Variants in LTBP1 observed in about 807,000 individuals in gnomAD.
LTBP1 encodes the protein latent transforming growth factor beta binding protein 1.
In LTBP1, 129 loss-of-function variants were observed where a neutral mutation model predicts 207.6. The observed-to-expected ratio is 0.62, with a 90% confidence interval of 0.54 to 0.72. The LOEUF (loss-of-function observed/expected upper bound fraction) is 0.72. LTBP1 is among the 30% of genes least tolerant of loss of function. LTBP1 has a pLI of 0.00. For synonymous variants in LTBP1, 963 were observed against 833.7 expected (o/e 1.16, Z -2.67); for missense variants, 2,281 against 2,217.2 (o/e 1.03, Z -0.58).
At chr2:33,233,430 A>G (rs2091894803) in intron 9 of LTBP1, among the ~76,000 whole-genome samples, 1 of 152,182 alleles carries the variant, frequency 6.6e-6, no homozygotes, top group Non-Finnish European at 1.5e-5. Flanking sequence ...TAACTGGTTA[A>G]GGTATGCTAA....
Position 32,947,453 on chromosome 2 carries a change from GC to G in LTBP1, c.133del (p.Leu45Ter). On this transcript the variant is annotated frameshift_variant, in exon 1 of 34. Coordinates refer to ENST00000404816, the MANE Select transcript of LTBP1 (RefSeq NM_206943.4). LOFTEE classifies it high-confidence loss of function. ...PGPGLAAGAL[P>X]LSGPPRSRTF... ...GCCCCGGCCTGGCAGCCGGCGCCTT[GC>G]CCCTGAGCGGGCCCCCGCGTTCGCG... The G allele has an allele frequency of 6.9e-7, 1 of 1,443,020 alleles. No homozygotes were observed. Among genetic ancestry groups the G allele is most frequent in the Non-Finnish European group, 9.1e-7 (1 of 1,100,520 alleles). 89.4% of individuals were successfully genotyped at this position (1,443,020 alleles called of 1,614,324 possible). A position where few individuals can be genotyped will look rare whatever the true frequency, so the allele number is the denominator to read the frequency against.
At chr2:32,963,068 A>T (rs1020165704) in intron 2 of LTBP1, among the ~76,000 whole-genome samples, 1 of 152,218 alleles carries the variant, frequency 6.6e-6, no homozygotes, top group Non-Finnish European at 1.5e-5. Context: ...TAGAGGCTTC[A>T]TTTACCCTTT....
chr2:32,961,926 C>G (rs996423338), intron 2 of LTBP1, among the ~76,000 whole-genome samples: 2 of 125,166 alleles, frequency 1.6e-5, no homozygotes, highest in African/African-American at 6.0e-5. Flanking sequence ...GCCTGGGCAA[C>G]AATAGTGAAA....
intron 25 of LTBP1, among the ~76,000 whole-genome samples, chr2:33,345,641 A>G (rs898552679): frequency 2.0e-5 from 3 of 152,240 alleles, no homozygotes; most frequent in Admixed American, 6.5e-5. Flanking sequence ...CATTGGATTT[A>G]TATCTCTTTA....
At chr2:33,326,458 T>TA (rs2094428125) in intron 24 of LTBP1, among the ~76,000 whole-genome samples, 1 of 151,898 alleles carries the variant, frequency 6.6e-6, no homozygotes, top group Non-Finnish European at 1.5e-5. Flanking sequence ...AGCTTGTTGA[T>TA]ACAGTTCGAA....
intron 23 of LTBP1, among the ~76,000 whole-genome samples, chr2:33,312,089 C>T (rs780120318): frequency 5.3e-5 from 8 of 152,162 alleles, no homozygotes; most frequent in South Asian, 2.1e-4. Context: ...TATCCCTTTT[C>T]GCTCTTTCAC....
intron 3 of LTBP1, among the ~76,000 whole-genome samples, chr2:33,082,851 T>G (rs1490984704): frequency 6.6e-6 from 1 of 152,186 alleles, no homozygotes; most frequent in Non-Finnish European, 1.5e-5. Flanking sequence ...CCTGGGATCT[T>G]GCCTTTGCCG....
intron 22 of LTBP1, among the ~76,000 whole-genome samples, chr2:33,305,282 C>T (rs1480538865): frequency 6.6e-6 from 1 of 152,142 alleles, no homozygotes; most frequent in African/African-American, 2.4e-5. Context: ...CAAGATCACG[C>T]CATTGCACTC....
chr2:33,205,867 C>T lies in LTBP1; in HGVS notation c.1702-11685C>T, dbSNP rs2089825198. Among the ~76,000 whole-genome samples, 3 of 152,164 alleles carry T rather than the reference C, an allele frequency of 2.0e-5. No homozygotes were observed. In the South Asian group the frequency reaches 6.2e-4, roughly 32 times the overall value. On this transcript the variant is annotated intron_variant, in intron 7 of 33. Transcript: ENST00000404816. ...GTGAGCTTGACCTCTCTGTTGCTTTCCCCACACACTTGCACAAAGAAGAGT... is the reference window on the plus strand; with the variant it reads ...GTGAGCTTGACCTCTCTGTTGCTTTTCCCACACACTTGCACAAAGAAGAGT...
intron 28 of LTBP1, 21 bp from the exon 29 acceptor site, chr2:33,363,369 T>C (rs1199342874): frequency 6.2e-7 from 1 of 1,612,720 alleles, no homozygotes; most frequent in African/African-American, 1.3e-5. Context: ...TTTTTGTATT[T>C]CTCAATTTTT....
At chr2:32,975,915 CA>C (rs1195976882) in intron 2 of LTBP1, among the ~76,000 whole-genome samples, 1 of 152,120 alleles carries the variant, frequency 6.6e-6, no homozygotes, top group Admixed American at 6.5e-5. Context: ...TCAGCCATTT[CA>C]TCCTAGTTAA....
intron 15 of LTBP1, among the ~76,000 whole-genome samples, chr2:33,264,277 A>C (rs923288941): frequency 6.6e-6 from 1 of 150,696 alleles, no homozygotes; most frequent in Non-Finnish European, 1.5e-5. Flanking sequence ...AAAAAAAAGA[A>C]TATGATGTAA....
intron 3 of LTBP1, among the ~76,000 whole-genome samples, chr2:33,033,509 C>T (rs990850824): frequency 2.0e-5 from 3 of 151,640 alleles, no homozygotes; most frequent in Admixed American, 1.3e-4. Flanking sequence ...CAGATGCAAG[C>T]GGGAAAGAGA....
rs6712473 is a variant in LTBP1 at position 33,188,573 on chromosome 2, G to C, written c.1427-4G>C. 6.2e-7 allele frequency: 1 copy of C among 1,605,862 alleles called. No individual in the cohort carries two copies. The highest frequency in any genetic ancestry group is 1.7e-5 in the Admixed American group (1 of 59,604). On this transcript the variant is annotated splice_polypyrimidine_tract_variant and splice_region_variant and intron_variant, in intron 6 of 33. Transcript: ENST00000404816. ...TAACAAGTTTTCCTCCCAATCTGTT[G>C]TAGTGAAATTTCCTCCTAACATAGT...
At chr2:33,383,353 A>AG (rs1272025388) in intron 31 of LTBP1, among the ~76,000 whole-genome samples, 1 of 152,202 alleles carries the variant, frequency 6.6e-6, no homozygotes, top group Non-Finnish European at 1.5e-5. Context: ...ACTCCGTCTC[A>AG]GGGGAATAAA....
chr2:33,179,008 T>G (rs2086350766), intron 5 of LTBP1, among the ~76,000 whole-genome samples: 1 of 152,188 alleles, frequency 6.6e-6, no homozygotes, highest in African/African-American at 2.4e-5. Flanking sequence ...CCTACAGTGC[T>G]GGGATTTCGG....
intron 2 of LTBP1, among the ~76,000 whole-genome samples, chr2:33,020,255 A>G (rs1374140768): frequency 6.6e-6 from 1 of 151,730 alleles, no homozygotes; most frequent in Non-Finnish European, 1.5e-5. Context: ...TAAATTTCTG[A>G]CACAGTCTCT....
In LTBP1 at chr2:33,203,691, AT is replaced by A. The variant is rs547223094; in HGVS notation, c.1702-13857del. ...ATGACGTGGAATATCAAATTACCAT[AT>A]TTTATACCTCTAGGGCTCTATAAAA... On this transcript the variant is annotated intron_variant, in intron 7 of 33. Coordinates refer to ENST00000404816, the MANE Select transcript of LTBP1 (RefSeq NM_206943.4). 1.2e-4 allele frequency among the ~76,000 whole-genome samples: 19 copies of A among 152,288 alleles called. 1 individual carries two copies. In the South Asian group the frequency reaches 3.1e-3, roughly 25 times the overall value.
intron 2 of LTBP1, among the ~76,000 whole-genome samples, chr2:33,002,717 G>A (rs1015969158): frequency 3.3e-5 from 5 of 151,656 alleles, no homozygotes; most frequent in East Asian, 1.9e-4. Flanking sequence ...TCACCCTGTC[G>A]CCCAGGCTGG....
Sources: allele counts gnomAD v4.1 joint callset (sites outside exome capture counted in the v4.1 genomes callset), GRCh38; gene constraint gnomAD v4.1.1; transcripts MANE v1.5; gene names NCBI Gene and HGNC (gene_info 2026-07-23, HGNC 2026-07-21).